Variants in ERMP1 observed in about 807,000 individuals in gnomAD.
ERMP1 encodes endoplasmic reticulum metallopeptidase 1, also known as Felix-ina.
A neutral mutation model predicts 92.0 loss-of-function variants in ERMP1; 86 were observed. The observed-to-expected ratio is 0.93, with a 90% confidence interval of 0.79 to 1.12. ERMP1 has a LOEUF of 1.12. Ranked by LOEUF, ERMP1 falls within the 50% of genes most tolerant of loss-of-function variation. The pLI is 0.00. For synonymous variants in ERMP1, 530 were observed against 412.8 expected, an observed-to-expected ratio of 1.28 and a Z score of -3.44; for missense variants, 1,342 against 1,116.3, an observed-to-expected ratio of 1.20 and a Z score of -2.88.
intron 2 of ERMP1, among the ~76,000 whole-genome samples, chr9:5,826,075 C>T (rs898060406): frequency 7.9e-5 from 12 of 152,210 alleles, no homozygotes; most frequent in African/African-American, 2.6e-4. Flanking sequence ...TAGAGAGGAA[C>T]TGATATAGCT....
chr9:5,790,900 T>G (rs1828164521), intron 13 of ERMP1, among the ~76,000 whole-genome samples: 1 of 152,180 alleles, frequency 6.6e-6, no homozygotes, highest in Non-Finnish European at 1.5e-5. Context: ...TTCATAGAGA[T>G]GAGGGTTACA....
intron 6 of ERMP1, 48 bp from the exon 7 acceptor site, chr9:5,811,371 A>C: frequency 5.0e-6 from 7 of 1,400,580 alleles, no homozygotes; most frequent in South Asian, 1.3e-5. Context: ...AAAAGATAAA[A>C]AGGCTGAATA....
chr9:5,864,531 C>A (rs1314611276), intron 5 of ERMP1, among the ~76,000 whole-genome samples: 1 of 152,118 alleles, frequency 6.6e-6, no homozygotes, highest in African/African-American at 2.4e-5. Context: ...GGGAGGGGGG[C>A]GAGCGGGTAT....
intron 6 of ERMP1, among the ~76,000 whole-genome samples, chr9:5,858,965 G>C (rs1395591331): frequency 2.0e-5 from 3 of 152,200 alleles, no homozygotes; most frequent in Non-Finnish European, 4.4e-5. Flanking sequence ...CTCTGCCCTA[G>C]TCCCTCTCGC....
At position 5,787,254 on chromosome 9, in the gene ERMP1, G is replaced by T. The variant is rs1827981042; in HGVS notation, c.2605C>A (p.Leu869Met). 1 of 1,613,976 alleles carries T rather than the reference G, an allele frequency of 6.2e-7. No homozygotes were observed. The highest frequency in any genetic ancestry group is 1.3e-5 in the African/African-American group (1 of 74,934). ...MVTVAIAAHY[L>M]SGEDKRSPQL... ...GGGGATCTCTTGTCTTCCCCAGACA[G>T]ATAGTGGGCAGCAATGGCCACGGTG... The change falls in exon 15 of 15, where the codon CTG (leucine) becomes ATG (methionine). Residue 869 changes from leucine (L) to methionine (M), a missense_variant. Coordinates refer to ENST00000339450, the MANE Select transcript of ERMP1 (RefSeq NM_024896.3).
chr9:5,860,982 C>T (rs113478122), intron 5 of ERMP1, among the ~76,000 whole-genome samples: 2,271 of 152,226 alleles, frequency 0.015, 51 homozygotes, highest in Admixed American at 0.056. Flanking sequence ...ATGCCAGCAC[C>T]TTGATATTGG....
chr9:5,799,143 TC>T (rs1828569478), intron 11 of ERMP1, 135 bp from the exon 12 acceptor site: 1 of 617,786 alleles, frequency 1.6e-6, no homozygotes, highest in African/African-American at 1.8e-5. Flanking sequence ...ACTGAGAGTT[TC>T]TAAGGTACTG....
chr9:5,855,241 A>G (rs1830358715), intron 6 of ERMP1, among the ~76,000 whole-genome samples: 1 of 151,628 alleles, frequency 6.6e-6, no homozygotes, highest in Non-Finnish European at 1.5e-5. Context: ...GAGAGACTCT[A>G]TGGAGTATGG....
rs776293176 is a variant in ERMP1, at chr9:5,787,154, A to G, written c.2705T>C (p.Phe902Ser). 1 of 1,613,048 alleles carries G rather than the reference A, an allele frequency of 6.2e-7. No individual in the cohort carries two copies. The highest frequency in any genetic ancestry group is 8.5e-7 in the Non-Finnish European group (1 of 1,179,480). ...PSAWVCTYDL[F>S]VF ...AGCTCATCCACAAGATTAAAATACA[A>G]AGAGATCGTAGGTGCACACCCAGGC... Residue 902 changes from phenylalanine (F) to serine (S), a missense_variant, in exon 15 of 15, where the codon TTT becomes TCT. Coordinates refer to ENST00000339450, the MANE Select transcript of ERMP1 (RefSeq NM_024896.3).
chr9:5,787,220 T>C lies in ERMP1; in HGVS notation c.2639A>G (p.Asp880Gly), dbSNP rs1261783479. ...ATCTGGGAACTTTTCCTTCAGAGCA[T>C]CCAGTTGAGGGGATCTCTTGTCTTC... ...SGEDKRSPQL[D>G]ALKEKFPDWT... Residue 880 changes from aspartate to glycine, a missense_variant, in exon 15 of 15, where the codon GAT (aspartate) becomes GGT (glycine). By Grantham distance (94) the Asp-to-Gly change is moderately conservative (BLOSUM62 -1). Transcript: ENST00000339450. The C allele has an allele frequency of 6.2e-7, 1 of 1,614,012 alleles. No homozygotes were observed.
chr9:5,827,526 T>G (rs913490437), intron 2 of ERMP1, among the ~76,000 whole-genome samples: 2 of 152,228 alleles, frequency 1.3e-5, no homozygotes, highest in African/African-American at 4.8e-5. Flanking sequence ...GAAATTGCCT[T>G]GAGATTGTTG....
In ERMP1 at chr9:5,785,992, T is replaced by A. The variant is rs979181487; in HGVS notation, c.*1152A>T. The A allele has an allele frequency of 1.3e-5, 2 of 152,234 alleles. No homozygotes were observed. Among genetic ancestry groups the A allele is most frequent in the African/African-American group, 2.4e-5 (1 of 41,452 alleles). The allele number at this position is 152,234 out of a possible 1,614,324, so 9.4% of individuals were successfully genotyped here. ...AGCCATCTTCAAAATGAAAACCACC[T>A]TTTAAGTCCTCATGCTGCCATTACG... On this transcript the variant is annotated 3_prime_UTR_variant, in exon 15 of 15. Coordinates refer to ENST00000339450, the MANE Select transcript of ERMP1 (RefSeq NM_024896.3).
rs1827910971 is a variant in ERMP1 at position 5,785,756 on chromosome 9, C to A, written c.*1388G>T. 6.6e-6 allele frequency: 1 copy of A among 152,476 alleles called. No homozygotes were observed. The highest frequency in any genetic ancestry group is 2.1e-4 in the South Asian group (1 of 4,834). The allele number at this position is 152,476 out of a possible 1,614,324, so 9.4% of individuals were successfully genotyped here. A position where few individuals can be genotyped will look rare whatever the true frequency, so the allele number is the denominator to read the frequency against. On this transcript the variant is annotated 3_prime_UTR_variant, in exon 15 of 15. Transcript: ENST00000339450. ...CATTCCTCTCTCATTTCCTCCATCACCCAAGATAAATCTAGCCACCCTTTT... is the reference window on the plus strand; with the variant it reads ...CATTCCTCTCTCATTTCCTCCATCAACCAAGATAAATCTAGCCACCCTTTT...
At chr9:5,845,798 G>T (rs1830227421) in intron 6 of ERMP1, among the ~76,000 whole-genome samples, 1 of 152,208 alleles carries the variant, frequency 6.6e-6, no homozygotes, top group South Asian at 2.1e-4. Flanking sequence ...TTTGTGAGGA[G>T]ACTGAGGAGA....
At chr9:5,850,483 G>T (rs1237389469) in intron 6 of ERMP1, among the ~76,000 whole-genome samples, 4 of 151,750 alleles carry the variant, frequency 2.6e-5, no homozygotes, top group Admixed American at 6.6e-5. Context: ...GGGTGGTTGG[G>T]GGAATTGGGA....
At chr9:5,847,661 C>T (rs1830253851) in intron 6 of ERMP1, among the ~76,000 whole-genome samples, 1 of 152,018 alleles carries the variant, frequency 6.6e-6, no homozygotes, top group African/African-American at 2.4e-5. Context: ...TTTGGGAGGC[C>T]AAGGCGGGCG....
At chr9:5,789,594 G>A (rs1025182514) in intron 13 of ERMP1, among the ~76,000 whole-genome samples, 1 of 152,196 alleles carries the variant, frequency 6.6e-6, no homozygotes, top group Non-Finnish European at 1.5e-5. Flanking sequence ...ACCTAGGTTC[G>A]AGTGCAGTGG....
chr9:5,826,036 T>A (rs112892412), intron 2 of ERMP1, among the ~76,000 whole-genome samples: 1 of 152,194 alleles, frequency 6.6e-6, no homozygotes, highest in Non-Finnish European at 1.5e-5. Context: ...AGGGCCCTTA[T>A]CTGCCAGCAA....
intron 6 of ERMP1, among the ~76,000 whole-genome samples, chr9:5,852,167 C>A (rs1175906236): frequency 6.6e-6 from 1 of 152,012 alleles, no homozygotes; most frequent in Non-Finnish European, 1.5e-5. Flanking sequence ...AATGCAGAAT[C>A]TTAAGGGTAA....
Sources: allele counts gnomAD v4.1 joint callset (sites outside exome capture counted in the v4.1 genomes callset), GRCh38; gene constraint gnomAD v4.1.1; transcripts MANE v1.5; gene names NCBI Gene and HGNC (gene_info 2026-07-23, HGNC 2026-07-21).